TUFT1: variants seen among roughly 807,000 people sequenced by gnomAD.
TUFT1 encodes tuftelin 1.
Under a neutral mutation model 57.8 loss-of-function variants are expected in TUFT1, and 43 were observed. The ratio of observed to expected loss-of-function variants is 0.74; its 90% confidence interval spans 0.58 to 0.96. The LOEUF is 0.96. Among genes scored for constraint, TUFT1 ranks in the 40% least tolerant of loss-of-function variants. The pLI, the probability that TUFT1 is intolerant of heterozygous loss-of-function variation, is 0.00. For missense variants in TUFT1, 459 were observed against 489.0 expected (o/e 0.94, Z 0.58); for synonymous variants, 166 against 176.7 (o/e 0.94, Z 0.48).
At chr1:151,580,844 A>G in intron 11 of TUFT1, 98 bp from the exon 12 acceptor site, 1 of 1,053,412 alleles carries the variant, frequency 9.5e-7, no homozygotes. Flanking sequence ...AGGCAACAGC[A>G]GCATAAACAC....
intron 7 of TUFT1, among the ~76,000 whole-genome samples, chr1:151,572,065 G>A (rs1218360086): frequency 2.0e-5 from 3 of 152,104 alleles, no homozygotes; most frequent in Non-Finnish European, 4.4e-5. Context: ...GCCTGGTGTG[G>A]TGGAGCATGC....
intron 7 of TUFT1, among the ~76,000 whole-genome samples, chr1:151,572,394 G>A (rs1418493464): frequency 6.6e-6 from 1 of 151,976 alleles, no homozygotes; most frequent in Non-Finnish European, 1.5e-5. Context: ...CTCCGACAGT[G>A]GGGTGCAAGA....
At chr1:151,547,737 C>G (rs1048500258) in intron 1 of TUFT1, among the ~76,000 whole-genome samples, 1 of 152,184 alleles carries the variant, frequency 6.6e-6, no homozygotes, top group African/African-American at 2.4e-5. Flanking sequence ...GTTTGCTGGT[C>G]GCTAGGCAGG....
intron 3 of TUFT1, among the ~76,000 whole-genome samples, chr1:151,563,509 A>G (rs1331972515): frequency 1.3e-5 from 2 of 152,208 alleles, no homozygotes; most frequent in Non-Finnish European, 2.9e-5. Context: ...GCAATAGGGT[A>G]CACCATACAG....
At chr1:151,548,438 A>G (rs1250902563) in intron 1 of TUFT1, among the ~76,000 whole-genome samples, 1 of 150,958 alleles carries the variant, frequency 6.6e-6, no homozygotes, top group Non-Finnish European at 1.5e-5. Flanking sequence ...AAGTAGCTGG[A>G]GCTACAGGCG....
chr1:151,566,320 C>G (rs1019143579), intron 6 of TUFT1, 92 bp downstream of exon 6: 78 of 996,058 alleles, frequency 7.8e-5, no homozygotes, highest in African/African-American at 4.8e-5. Flanking sequence ...CTCTCTCTCT[C>G]TCTCTCTCAT....
At chr1:151,569,583 C>T in intron 6 of TUFT1, 74 bp from the exon 7 acceptor site, 1 of 1,246,698 alleles carries the variant, frequency 8.0e-7, no homozygotes, top group Non-Finnish European at 1.2e-6. Flanking sequence ...CAGTGTGTGC[C>T]TGGGAGGGGG....
In TUFT1 at chr1:151,554,396, T is replaced by A. The variant is rs187545930; in HGVS notation, c.61-7695T>A. ...TGTGGGTTGCCATGCAGTGTTTTTTTAAATTTTATTTTATTGTTATTGAGA... is the reference window on the plus strand; with the variant it reads ...TGTGGGTTGCCATGCAGTGTTTTTTAAAATTTTATTTTATTGTTATTGAGA... On this transcript the variant is annotated intron_variant, in intron 1 of 12. Coordinates refer to ENST00000368849, the MANE Select transcript of TUFT1 (RefSeq NM_020127.3). Among the ~76,000 whole-genome samples the A allele has an allele frequency of 2.1e-3, 318 of 152,340 alleles. 2 individuals are homozygous for A. Among genetic ancestry groups the A allele is most frequent in the African/African-American group, 6.3e-3 (263 of 41,576 alleles).
At chr1:151,569,573 C>A in intron 6 of TUFT1, 84 bp from the exon 7 acceptor site, 2 of 1,106,260 alleles carry the variant, frequency 1.8e-6, no homozygotes, top group Non-Finnish European at 1.4e-6. Context: ...TGGTCCAAAC[C>A]AGTGTGTGCC....
intron 1 of TUFT1, among the ~76,000 whole-genome samples, chr1:151,558,096 T>A (rs551368597): frequency 3.9e-5 from 6 of 152,276 alleles, no homozygotes; most frequent in South Asian, 2.1e-4. Flanking sequence ...TTCCTTTTTT[T>A]AAAAAATAAT....
intron 1 of TUFT1, chr1:151,561,831 T>A (rs1452924377): frequency 1.4e-6 from 2 of 1,457,396 alleles, no homozygotes; most frequent in East Asian, 5.9e-5. Context: ...GTAGCCCTGC[T>A]GGAGCTCTAC....
At chr1:151,564,677 C>T (rs1666007582) in intron 5 of TUFT1, 63 bp downstream of exon 5, 4 of 1,361,884 alleles carry the variant, frequency 2.9e-6, no homozygotes, top group Non-Finnish European at 4.2e-6. Flanking sequence ...CAGGCAGTCT[C>T]ATTTACCAAT....
intron 12 of TUFT1, 47 bp downstream of exon 12, chr1:151,581,089 A>C: frequency 1.3e-6 from 2 of 1,539,590 alleles, no homozygotes; most frequent in East Asian, 2.2e-5. Flanking sequence ...GGAGGGGAGA[A>C]GGAGGGACAG....
rs1468716115 is a variant in TUFT1 at position 151,557,668 on chromosome 1, A to G, written c.61-4423A>G. 2.0e-5 allele frequency: 18 copies of G among 908,386 alleles called. No individual in the cohort carries two copies. In the East Asian group the frequency reaches 4.3e-4, roughly 22 times the overall value. 56.3% of individuals were successfully genotyped at this position (908,386 alleles called of 1,614,324 possible). On this transcript the variant is annotated intron_variant, in intron 1 of 12. Transcript: ENST00000368849. ...CCACTGGTACGTTACCAATGAGGGC[A>G]TCCAGTATCTCCGTGATTACCTTCA...
chr1:151,578,325 T>G (rs1037485772), intron 9 of TUFT1, among the ~76,000 whole-genome samples: 1 of 151,870 alleles, frequency 6.6e-6, no homozygotes, highest in Non-Finnish European at 1.5e-5. Flanking sequence ...TCTTTTTTTT[T>G]GTGAGACAAA....
intron 9 of TUFT1, among the ~76,000 whole-genome samples, chr1:151,577,537 A>G (rs1423886673): frequency 1.3e-5 from 2 of 152,130 alleles, no homozygotes; most frequent in Non-Finnish European, 2.9e-5. Flanking sequence ...GACCCATTAT[A>G]TATTTCTTAT....
In TUFT1 at chr1:151,575,017, G is replaced by T; in HGVS notation, c.818+12G>T. On this transcript the variant is annotated intron_variant, in intron 9 of 12. Transcript: ENST00000368849. Reference sequence around the variant, plus strand: ...GCAGAACGAGAAAAGTAAGGGCTTGGCTCTTGTTCACGGTGAAGTTGGGTT... The same window carrying T: ...GCAGAACGAGAAAAGTAAGGGCTTGTCTCTTGTTCACGGTGAAGTTGGGTT... 2 of 1,554,002 alleles carry T rather than the reference G, an allele frequency of 1.3e-6. No homozygotes were observed. Among genetic ancestry groups the T allele is most frequent in the Non-Finnish European group, 1.7e-6 (2 of 1,148,124 alleles).
intron 1 of TUFT1, among the ~76,000 whole-genome samples, chr1:151,543,799 G>A (rs188107011): frequency 2.6e-5 from 4 of 151,636 alleles, no homozygotes; most frequent in East Asian, 3.9e-4. Flanking sequence ...TGACTGATAG[G>A]CCCCCCCCAG....
At position 151,543,513 on chromosome 1, in the gene TUFT1, C is replaced by T. The variant is rs190814489; in HGVS notation, c.60+3087C>T. 5.9e-5 allele frequency among the ~76,000 whole-genome samples: 9 copies of T among 152,118 alleles called. No individual in the cohort carries two copies. In the East Asian group the frequency reaches 1.5e-3, roughly 26 times the overall value. On this transcript the variant is annotated intron_variant, in intron 1 of 12. Coordinates refer to ENST00000368849, the MANE Select transcript of TUFT1 (RefSeq NM_020127.3). ...TTTACTAGATATTTCCATTAACTTCCTTTGGTTATAAACAACAGAGAATGA... is the reference window on the plus strand; with the variant it reads ...TTTACTAGATATTTCCATTAACTTCTTTTGGTTATAAACAACAGAGAATGA...
Sources: allele counts gnomAD v4.1 joint callset (sites outside exome capture counted in the v4.1 genomes callset), GRCh38; gene constraint gnomAD v4.1.1; transcripts MANE v1.5; gene names NCBI Gene and HGNC (gene_info 2026-07-23, HGNC 2026-07-21).